The following STAT2 variants were observed in gnomAD, a reference collection of about 807,000 sequenced individuals.
The protein encoded by STAT2 is signal transducer and activator of transcription 2, also known as interferon alpha induced transcriptional activator.
In STAT2, 51 loss-of-function variants were observed where a neutral mutation model predicts 122.3. That is an observed-to-expected ratio of 0.42 (90% CI 0.33 to 0.53). The LOEUF (loss-of-function observed/expected upper bound fraction) is 0.53, where lower values mean the gene tolerates loss of function less well. Ranked by LOEUF, STAT2 falls within the 20% of genes least tolerant of loss-of-function variation. The pLI, the probability that STAT2 is intolerant of heterozygous loss-of-function variation, is 0.10. For missense variants in STAT2, 736 were observed against 1,010.3 expected, an observed-to-expected ratio of 0.73 and a Z score of 3.68; for synonymous variants, 351 against 394.9, an observed-to-expected ratio of 0.89 and a Z score of 1.32.
intron 6 of STAT2, 62 bp from the exon 7 acceptor site, chr12:56,354,925 C>T: frequency 6.6e-7 from 1 of 1,512,064 alleles, no homozygotes; most frequent in Non-Finnish European, 9.1e-7. Context: ...ACTGGGGTCT[C>T]AGTCAGAGTC....
chr12:56,351,897 TG>T (rs990916315), intron 8 of STAT2, among the ~76,000 whole-genome samples: 6 of 151,882 alleles, frequency 4.0e-5, no homozygotes, highest in African/African-American at 1.5e-4. Context: ...ACTCACACTT[TG>T]TTTTTTTTTT....
intron 8 of STAT2, 188 bp downstream of exon 8, chr12:56,354,278 G>A: frequency 1.4e-6 from 1 of 700,536 alleles, no homozygotes; most frequent in South Asian, 2.7e-5. Flanking sequence ...TTCCCTGAAG[G>A]AGACTGGGCT....
chr12:56,346,195 G>A lies in STAT2; in HGVS notation c.2053C>T (p.Gln685Ter), dbSNP rs770394204. 6.2e-7 allele frequency: 1 copy of A among 1,614,164 alleles called. No homozygotes were observed. The highest frequency in any genetic ancestry group is 8.5e-7 in the Non-Finnish European group (1 of 1,180,018). ...TGTTTCAGGTATTTCCTCCGTTCCT[G>A]GAGATTAACTGTGAGGAACATATAC... ...GCYYQEKVNL[Q>*]ERRKYLKHRL... The change falls in exon 22 of 24, where the codon CAG (glutamine) becomes TAG (stop). Residue 685 changes from glutamine to a stop codon, truncating the protein, a stop_gained. Transcript: ENST00000314128. LOFTEE classifies it high-confidence loss of function.
intron 11 of STAT2, 80 bp from the exon 12 acceptor site, chr12:56,350,512 C>T: frequency 7.2e-7 from 1 of 1,389,818 alleles, no homozygotes; most frequent in Non-Finnish European, 9.8e-7. Flanking sequence ...ATCAGACAGA[C>T]CTCGGTTCAA....
Position 56,350,810 on chromosome 12 carries a change from T to C in STAT2, c.1094+19A>G. On this transcript the variant is annotated intron_variant, in intron 11 of 23. Transcript: ENST00000314128. ...CCAGCAGCCCGTGTCCTGGCCACCC[T>C]TCACCTGCTCCAATTTACCTGTCAA... is the stretch of plus-strand genomic sequence containing the variant. 2.5e-6 allele frequency: 4 copies of C among 1,613,696 alleles called. No individual in the cohort carries two copies. The highest frequency in any genetic ancestry group is 3.4e-6 in the Non-Finnish European group (4 of 1,180,014).
intron 8 of STAT2, among the ~76,000 whole-genome samples, chr12:56,352,015 C>T (rs1878569736): frequency 6.6e-6 from 1 of 152,114 alleles, no homozygotes; most frequent in Non-Finnish European, 1.5e-5. Context: ...GCCTTGGCCT[C>T]CCGAGTAGCT....
chr12:56,354,701 G>A lies in STAT2; in HGVS notation c.633+77C>T, dbSNP rs1458071849. ...GGGATGAAGAAACAAAGAAGCCAGC[G>A]CTAGAGGACCAGGGTCCCCACATCC... On this transcript the variant is annotated intron_variant, in intron 7 of 23. Transcript: ENST00000314128. 24 of 1,612,278 alleles carry A rather than the reference G, an allele frequency of 1.5e-5. No homozygotes were observed. The East Asian group carries it at 3.1e-4, about 21-fold the overall frequency.
chr12:56,343,405 A>T lies in STAT2; in HGVS notation c.2540T>A (p.Met847Lys). The T allele has an allele frequency of 6.2e-7, 1 of 1,614,026 alleles. No homozygotes were observed. The highest frequency in any genetic ancestry group is 8.5e-7 in the Non-Finnish European group (1 of 1,179,914). The change falls in exon 24 of 24, where the codon ATG becomes AAG. Residue 847 changes from methionine to lysine, a missense_variant. Transcript: ENST00000314128. The stretch of plus-strand genomic sequence containing the variant: ...ATGTGGTTCCTAGAAGTCAGAAGGC[A>T]TCAAGGGTCCATCAGTGTAGAAGTG... ...PSHFYTDGPL[M>K]PSDF is the part of the protein sequence containing the mutation.
chr12:56,349,699 T>G (rs1878143780), intron 13 of STAT2, 63 bp from the exon 14 acceptor site: 1 of 1,610,260 alleles, frequency 6.2e-7, no homozygotes, highest in Non-Finnish European at 8.5e-7. Flanking sequence ...CTGGAACCCC[T>G]GTTTGGCTTC....
At position 56,354,630 on chromosome 12, in the gene STAT2, T is replaced by C. The variant is rs1879225860; in HGVS notation, c.634-16A>G. 1.9e-6 allele frequency: 3 copies of C among 1,613,940 alleles called. No individual in the cohort carries two copies. Among genetic ancestry groups the C allele is most frequent in the Admixed American group, 1.7e-5 (1 of 59,992 alleles). ...CCAGCACCTCCTGGGAAAGAGATAA[T>C]GTGAGTGTTGAGCATCTCTCCCTTT... is the stretch of plus-strand genomic sequence containing the variant. On this transcript the variant is annotated splice_polypyrimidine_tract_variant and intron_variant, in intron 7 of 23. Transcript: ENST00000314128.
At position 56,349,232 on chromosome 12, in the gene STAT2, G is replaced by A. The variant is rs772343902; in HGVS notation, c.1371C>T (p.Ser457=). The change falls in exon 16 of 24, where the codon TCC becomes TCT. Residue 457 remains serine, a synonymous_variant. Coordinates refer to ENST00000314128, the MANE Select transcript of STAT2 (RefSeq NM_005419.4). ...KTDTLPVVII[S]NMNQLSIAWA... ...AGGCAATTGAGAGCTGGTTCATGTT[G>A]GAAATAATCACCACAGGGAGGGTGT... 6.2e-7 allele frequency: 1 copy of A among 1,614,156 alleles called. No individual in the cohort carries two copies. The highest frequency in any genetic ancestry group is 8.5e-7 in the Non-Finnish European group (1 of 1,180,022).
At chr12:56,350,930 A>G in intron 10 of STAT2, 42 bp from the exon 11 acceptor site, 17 of 1,609,028 alleles carry the variant, frequency 1.1e-5, no homozygotes, top group Non-Finnish European at 1.4e-5. Context: ...GTCAACCTCA[A>G]CCTTCCGGAT....
chr12:56,360,050 G>A lies in STAT2; in HGVS notation c.-8+8C>T. On this transcript the variant is annotated splice_region_variant and intron_variant, in intron 1 of 23. Coordinates refer to ENST00000314128, the MANE Select transcript of STAT2 (RefSeq NM_005419.4). ...CCCTACCCCAGCACACCCTCTCAGG[G>A]CCCGTACCTGATTAGGGTTGCAGTC... 4.1e-6 allele frequency: 4 copies of A among 985,286 alleles called. No homozygotes were observed. The highest frequency in any genetic ancestry group is 3.6e-6 in the Non-Finnish European group (3 of 829,934). The allele number at this position is 985,286 out of a possible 1,614,324, so 61.0% of individuals were successfully genotyped here.
chr12:56,359,138 C>T (rs1879980704), intron 1 of STAT2, among the ~76,000 whole-genome samples: 1 of 152,174 alleles, frequency 6.6e-6, no homozygotes, highest in South Asian at 2.1e-4. Flanking sequence ...ACATGAATAA[C>T]ATCAGCTGCC....
rs1410639945 is a variant in STAT2 at position 56,351,381 on chromosome 12, G to A, written c.852C>T (p.Cys284=). ...GAGGGTCATCCTGATAGCTAACCAG[G>A]CAACTCAGTCCCTTCAGCTCCTTCA... ...QLLKELKGLS[C]LVSYQDDPLT... The change falls in exon 9 of 24, where the codon TGC becomes TGT. Residue 284 remains cysteine (C), a synonymous_variant. Transcript: ENST00000314128. 4 of 1,614,088 alleles carry A rather than the reference G, an allele frequency of 2.5e-6. No homozygotes were observed. In the South Asian group the frequency reaches 4.4e-5, roughly 18 times the overall value.
chr12:56,346,042 C>G (rs1877396008), intron 22 of STAT2, 104 bp downstream of exon 22: 5 of 1,600,412 alleles, frequency 3.1e-6, no homozygotes, highest in Non-Finnish European at 8.5e-7. Flanking sequence ...AGCTGACCAT[C>G]ATCCTGGTGC....
intron 19 of STAT2, among the ~76,000 whole-genome samples, chr12:56,348,177 T>A (rs1421667360): frequency 6.8e-6 from 1 of 146,136 alleles, no homozygotes; most frequent in East Asian, 2.2e-4. Flanking sequence ...AAGCTCCATC[T>A]CCCAGGTTCA....
rs1216115023 is a variant in STAT2 at position 56,346,585 on chromosome 12, T to A, written c.1901A>T (p.Glu634Val). The A allele has an allele frequency of 6.2e-7, 1 of 1,614,036 alleles. No individual in the cohort carries two copies. The highest frequency in any genetic ancestry group is 8.5e-7 in the Non-Finnish European group (1 of 1,180,034). ...LIYSVQPYTK[E>V]VLQSLPLTEI... ...AGTCAGCGGGAGTGACTGCAGCACC[T>A]CCTTCGTGTACGGTTGCACAGAGTA... is the stretch of plus-strand genomic sequence containing the variant. Residue 634 changes from glutamate to valine, a missense_variant, in exon 21 of 24, where the codon GAG becomes GTG. Physicochemically the swap from Glu to Val is moderately radical, Grantham distance 121. Coordinates refer to ENST00000314128, the MANE Select transcript of STAT2 (RefSeq NM_005419.4).
Position 56,346,442 on chromosome 12 carries a change from C to G in STAT2, c.2044G>C (p.Val682Leu). Residue 682 changes from valine (V) to leucine (L), a missense_variant and splice_region_variant, in exon 21 of 24, where the codon GTT becomes CTT. Coordinates refer to ENST00000314128, the MANE Select transcript of STAT2 (RefSeq NM_005419.4). The stretch of plus-strand genomic sequence containing the variant: ...AATGAAGTATGTCAACGATTCCCAC[C>G]TTTCTCCTGGTAGTAGCACCCAAAA... Reference protein sequence around the residue: ...EAFGCYYQEKVNLQERRKYLK... With the variant: ...EAFGCYYQEKLNLQERRKYLK... 1 of 1,614,192 alleles carries G rather than the reference C, an allele frequency of 6.2e-7. No homozygotes were observed. Among genetic ancestry groups the G allele is most frequent in the Non-Finnish European group, 8.5e-7 (1 of 1,180,020 alleles).
Sources: allele counts gnomAD v4.1 joint callset (sites outside exome capture counted in the v4.1 genomes callset), GRCh38; gene constraint gnomAD v4.1.1; transcripts MANE v1.5; gene names NCBI Gene and HGNC (gene_info 2026-07-23, HGNC 2026-07-21).